CDH8: variants seen among roughly 807,000 people sequenced by gnomAD.
CDH8 encodes the protein cadherin-8.
CDH8 carries 17 observed loss-of-function variants against 68.1 expected under a neutral mutation model. The ratio of observed to expected loss-of-function variants is 0.25; its 90% CI spans 0.17 to 0.37. The LOEUF is 0.37. Ranked by LOEUF, CDH8 falls within the 10% of genes least tolerant of loss-of-function variation. CDH8 has a pLI of 1.00. For synonymous variants in CDH8, 372 were observed against 365.1 expected, an observed-to-expected ratio of 1.02 and a Z score of -0.21; for missense variants, 763 against 999.3, an observed-to-expected ratio of 0.76 and a Z score of 3.19.
chr16:61,861,559 A>G (rs1446759325), intron 3 of CDH8, among the ~76,000 whole-genome samples: 1 of 152,232 alleles, frequency 6.6e-6, no homozygotes, highest in African/African-American at 2.4e-5. Flanking sequence ...AGCTTTTCAT[A>G]TGCAAAGACA....
At chr16:61,669,968 T>G (rs937886731) in intron 10 of CDH8, among the ~76,000 whole-genome samples, 5 of 152,110 alleles carry the variant, frequency 3.3e-5, no homozygotes, top group Non-Finnish European at 2.9e-5. Context: ...AACTTCAGCC[T>G]TATGACTCTC....
At chr16:61,938,247 C>G (rs182503788) in intron 2 of CDH8, among the ~76,000 whole-genome samples, 79 of 152,174 alleles carry the variant, frequency 5.2e-4, no homozygotes, top group African/African-American at 1.8e-3. Context: ...AATTAATTAC[C>G]CAGTCATCCC....
intron 2 of CDH8, among the ~76,000 whole-genome samples, chr16:61,935,424 A>G (rs1221284442): frequency 6.6e-6 from 1 of 152,232 alleles, no homozygotes; most frequent in East Asian, 1.9e-4. Flanking sequence ...TAGCAATAGC[A>G]TATAGCTGAA....
chr16:62,012,141 C>G (rs1443309193), intron 2 of CDH8, among the ~76,000 whole-genome samples: 2 of 152,186 alleles, frequency 1.3e-5, no homozygotes, highest in African/African-American at 4.8e-5. Flanking sequence ...AAAAGAAATT[C>G]TGTAAACACT....
At chr16:61,881,682 C>T (rs1963581211) in intron 3 of CDH8, among the ~76,000 whole-genome samples, 2 of 152,184 alleles carry the variant, frequency 1.3e-5, no homozygotes, top group South Asian at 2.1e-4. Context: ...ATGCCAAGCA[C>T]AGCATTTTAT....
chr16:61,984,644 C>T (rs1965596503), intron 2 of CDH8, among the ~76,000 whole-genome samples: 1 of 151,926 alleles, frequency 6.6e-6, no homozygotes, highest in Non-Finnish European at 1.5e-5. Context: ...CTTTGTTGTA[C>T]TTTTTATTTT....
At chr16:61,951,512 C>CAAAAA (rs574416496) in intron 2 of CDH8, among the ~76,000 whole-genome samples, 6 of 72,894 alleles carry the variant, frequency 8.2e-5, no homozygotes, top group Admixed American at 1.5e-4. Context: ...GACTCCGTCT[C>CAAAAA]AAAAAAAAAA....
chr16:61,670,060 T>G (rs550847362), intron 10 of CDH8, among the ~76,000 whole-genome samples: 1 of 152,060 alleles, frequency 6.6e-6, no homozygotes, highest in Non-Finnish European at 1.5e-5. Flanking sequence ...TGATATTGAT[T>G]GCCTATTTTT....
intron 2 of CDH8, among the ~76,000 whole-genome samples, chr16:61,906,611 G>T (rs1964067222): frequency 6.6e-6 from 1 of 152,170 alleles, no homozygotes; most frequent in Non-Finnish European, 1.5e-5. Flanking sequence ...TTCATGGGAA[G>T]AATCACCTGC....
At chr16:61,843,753 T>C (rs1173673097) in intron 4 of CDH8, among the ~76,000 whole-genome samples, 3 of 152,202 alleles carry the variant, frequency 2.0e-5, no homozygotes, top group Non-Finnish European at 4.4e-5. Context: ...TACCCAGTAA[T>C]GGGATGGTTG....
At chr16:61,691,590 T>A (rs112860434) in intron 10 of CDH8, among the ~76,000 whole-genome samples, 4 of 151,794 alleles carry the variant, frequency 2.6e-5, no homozygotes, top group African/African-American at 9.7e-5. Flanking sequence ...TGGAGTACGA[T>A]CTTTAGTAGG....
intron 1 of CDH8, among the ~76,000 whole-genome samples, chr16:62,029,961 G>A (rs1902285700): frequency 6.6e-6 from 1 of 152,178 alleles, no homozygotes; most frequent in Non-Finnish European, 1.5e-5. Context: ...CATAATGGGG[G>A]CTTCAGAGTC....
intron 8 of CDH8, among the ~76,000 whole-genome samples, chr16:61,740,268 T>C (rs1239407277): frequency 6.6e-6 from 1 of 152,036 alleles, no homozygotes; most frequent in African/African-American, 2.4e-5. Flanking sequence ...ACTAATAATG[T>C]CAAAAGAAAG....
chr16:61,742,867 A>T (rs1222833237), intron 8 of CDH8, among the ~76,000 whole-genome samples: 1 of 152,144 alleles, frequency 6.6e-6, no homozygotes, highest in African/African-American at 2.4e-5. Context: ...TGAAATTTAT[A>T]TCGGTGAGTT....
intron 2 of CDH8, among the ~76,000 whole-genome samples, chr16:61,945,435 A>AT (rs1964786507): frequency 8.8e-6 from 1 of 113,572 alleles, no homozygotes; most frequent in Non-Finnish European, 1.7e-5. Flanking sequence ...TAGATGCATG[A>AT]TTAAAAAAAA....
At chr16:61,988,467 A>ATGAAATGT (rs1441701837) in intron 2 of CDH8, among the ~76,000 whole-genome samples, 2 of 152,140 alleles carry the variant, frequency 1.3e-5, no homozygotes, top group Non-Finnish European at 2.9e-5. Flanking sequence ...TTCATTGTAA[A>ATGAAATGT]TATTCTAGTA....
intron 2 of CDH8, among the ~76,000 whole-genome samples, chr16:61,956,759 A>G (rs1233708696): frequency 6.6e-6 from 1 of 152,146 alleles, no homozygotes; most frequent in South Asian, 2.1e-4. Flanking sequence ...CTTCAATAGT[A>G]TTTTTATTGG....
intron 2 of CDH8, among the ~76,000 whole-genome samples, chr16:61,903,089 G>A (rs1270911862): frequency 6.6e-6 from 1 of 152,256 alleles, no homozygotes; most frequent in South Asian, 2.1e-4. Context: ...AGACACAGAA[G>A]GGATCAGTAT....
At chr16:61,881,407 G>T (rs1963574601) in intron 3 of CDH8, among the ~76,000 whole-genome samples, 1 of 152,026 alleles carries the variant, frequency 6.6e-6, no homozygotes, top group Non-Finnish European at 1.5e-5. Context: ...ATGAAAGAGA[G>T]GGTAGGGGTT....
Sources: allele counts gnomAD v4.1 joint callset (sites outside exome capture counted in the v4.1 genomes callset), GRCh38; gene constraint gnomAD v4.1.1; transcripts MANE v1.5; gene names NCBI Gene and HGNC (gene_info 2026-07-23, HGNC 2026-07-21).